BTD: variants seen among roughly 807,000 people sequenced by gnomAD.
BTD encodes the protein biocytinase.
Under a neutral mutation model 17.7 loss-of-function variants are expected in BTD, and 13 were observed. That is an observed-to-expected ratio of 0.74 (90% CI 0.48 to 1.17). BTD has a LOEUF of 1.17. BTD is among the 50% of genes most tolerant of loss of function. The pLI, the probability that BTD is intolerant of heterozygous loss-of-function variation, is 0.00. For missense variants in BTD, 674 were observed against 650.4 expected (o/e 1.04, Z -0.39); for synonymous variants, 240 against 245.2 (o/e 0.98, Z 0.20).
rs770633850 is a variant in BTD, at chr3:15,645,141, G to A, written c.1225G>A (p.Glu409Lys). ...SNGLCCYLLY[E>K]RPTLSKELYA... Reference sequence around the variant, plus strand: ...TGGCCTCTGCTGTTATTTACTTTACGAGAGGCCCACCTTATCCAAAGAGCT... The same window carrying A: ...TGGCCTCTGCTGTTATTTACTTTACAAGAGGCCCACCTTATCCAAAGAGCT... Residue 409 changes from glutamate (E) to lysine (K), a missense_variant, in exon 4 of 4, where the codon GAG becomes AAG. Transcript: ENST00000643237. The A allele has an allele frequency of 7.9e-5, 128 of 1,614,016 alleles. 1 individual carries two copies. The highest frequency in any genetic ancestry group is 4.0e-4 in the South Asian group (36 of 91,078).
At chr3:15,601,530 C>G (rs746041859), upstream of BTD, 3 of 1,608,212 alleles carry the variant, frequency 1.9e-6, no homozygotes, top group Non-Finnish European at 2.5e-6. Flanking sequence ...GCAAGGCAAA[C>G]GCGAAATCGG....
chr3:15,631,529 A>G (rs2065204698), intron 1 of BTD: 1 of 1,468,916 alleles, frequency 6.8e-7, no homozygotes, highest in African/African-American at 1.4e-5. Context: ...AAAAATATCT[A>G]GTGATTGACA....
chr3:15,626,780 CAAAA>C (rs374875165), intron 1 of BTD, among the ~76,000 whole-genome samples: 1 of 95,050 alleles, frequency 1.1e-5, no homozygotes. Context: ...GACCCTGTCT[CAAAA>C]AAAAAAAAAA....
chr3:15,606,029 CGAG>C (rs780316634), intron 1 of BTD, among the ~76,000 whole-genome samples: 34,714 of 124,772 alleles, frequency 0.28, 4,615 homozygotes, highest in Middle Eastern at 0.36. Context: ...GGTGACAGAG[CGAG>C]ACCCTGTCTC....
intron 3 of BTD, among the ~76,000 whole-genome samples, chr3:15,661,694 T>C (rs2065926932): frequency 1.3e-5 from 2 of 152,212 alleles, no homozygotes; most frequent in African/African-American, 4.8e-5. Context: ...CCTTTGGTGT[T>C]ATATCTAAAA....
At chr3:15,671,724 C>G (rs776203279) in intron 3 of BTD, among the ~76,000 whole-genome samples, 17 of 151,804 alleles carry the variant, frequency 1.1e-4, no homozygotes, top group Non-Finnish European at 2.2e-4. Flanking sequence ...GCTGGGATTA[C>G]ACGTGTGTGC....
rs570353481 is a variant in BTD at position 15,677,183 on chromosome 3, G to A, written c.400-32877G>A. 6 of 755,248 alleles carry A rather than the reference G, an allele frequency of 7.9e-6. No homozygotes were observed. The East Asian group carries it at 1.0e-4, about 13-fold the overall frequency. The allele number at this position is 755,248 out of a possible 1,614,324, so 46.8% of individuals were successfully genotyped here. On this transcript the variant is annotated intron_variant, in intron 3 of 3. Coordinates refer to the BTD transcript ENST00000672141. The stretch of plus-strand genomic sequence containing the variant: ...CATACATATACCATGAATTTTCCTG[G>A]CTAATATCTTAATATTTGCCCAAAC...
upstream of BTD, chr3:15,601,425 C>T (rs374520636): frequency 1.2e-4 from 198 of 1,613,838 alleles, no homozygotes; most frequent in Non-Finnish European, 1.7e-4. Context: ...CACCAGACAC[C>T]TGCTCCTCGC....
intron 3 of BTD, chr3:15,670,024 C>T: frequency 2.2e-6 from 1 of 450,998 alleles, no homozygotes; most frequent in Non-Finnish European, 4.0e-6. Context: ...CCAAATTAAA[C>T]AATTCCACAA....
intron 3 of BTD, chr3:15,697,507 T>A (rs1045877368): frequency 4.7e-4 from 71 of 152,000 alleles, no homozygotes; most frequent in African/African-American, 1.7e-3. Flanking sequence ...TAATCATGTG[T>A]TTGTTTTTTT....
At chr3:15,631,513 G>A in intron 1 of BTD, 1 of 1,519,834 alleles carries the variant, frequency 6.6e-7, no homozygotes, top group Non-Finnish European at 8.8e-7. Context: ...AAAATCCCTT[G>A]TGTGTAAAAA....
chr3:15,672,698 G>C (rs57405314), intron 3 of BTD, among the ~76,000 whole-genome samples: 13 of 152,332 alleles, frequency 8.5e-5, no homozygotes, highest in South Asian at 2.1e-4. Flanking sequence ...CCTTGGATGA[G>C]AGCGGGAGTG....
At chr3:15,656,265 C>G (rs2065870521), downstream of BTD, among the ~76,000 whole-genome samples, 1 of 152,188 alleles carries the variant, frequency 6.6e-6, no homozygotes. Flanking sequence ...CCCATCAGTT[C>G]TAATCAATAC....
rs543923733 is a variant in BTD at position 15,628,908 on chromosome 3, C to G, written c.-16-6516C>G. ...TCTAGTCTACCATATTGCCCCCCAC[C>G]TTTTTTTAAATCAGGAATTTTATTT... On this transcript the variant is annotated intron_variant, in intron 1 of 3. Coordinates refer to ENST00000643237, the MANE Select transcript of BTD (RefSeq NM_001370658.1). Among the ~76,000 whole-genome samples the G allele has an allele frequency of 5.3e-5, 8 of 152,172 alleles. No individual in the cohort carries two copies. The East Asian group carries it at 5.8e-4, about 11-fold the overall frequency.
intron 2 of BTD, among the ~76,000 whole-genome samples, chr3:15,638,435 C>A (rs934072820): frequency 6.6e-6 from 1 of 152,190 alleles, no homozygotes; most frequent in Non-Finnish European, 1.5e-5. Context: ...ACTCACCAAG[C>A]CACAGACTTG....
intron 3 of BTD, among the ~76,000 whole-genome samples, chr3:15,708,646 TTAGCTATAAAAA>T (rs1316812364): frequency 3.9e-5 from 6 of 152,120 alleles, no homozygotes; most frequent in Non-Finnish European, 8.8e-5. Context: ...TAAAAGCAAA[TTAGCTATAAAAA>T]TATTGCATTC....
At chr3:15,676,894 G>T in intron 3 of BTD, 1 of 1,184,282 alleles carries the variant, frequency 8.4e-7, no homozygotes, top group Non-Finnish European at 1.2e-6. Flanking sequence ...TATTCCAATA[G>T]TCACATGTTT....
At position 15,648,418 on chromosome 3, in the gene BTD, G is replaced by C. The variant is rs74969344; in HGVS notation, c.*2930G>C. On this transcript the variant is annotated 3_prime_UTR_variant, in exon 4 of 4. Coordinates refer to ENST00000643237, the MANE Select transcript of BTD (RefSeq NM_001370658.1). ...GAAAGGTCCTGGTCTCCTGGCTTCA[G>C]TCTTTCATTCCCTAACCTCCCTTTG... is the stretch of plus-strand genomic sequence containing the variant. Among the ~76,000 whole-genome samples the C allele has an allele frequency of 6.6e-6, 1 of 152,226 alleles. No homozygotes were observed. Among genetic ancestry groups the C allele is most frequent in the Non-Finnish European group, 1.5e-5 (1 of 68,040 alleles).
chr3:15,651,177 G>A lies in BTD; in HGVS notation c.*5689G>A, dbSNP rs905489156. Among the ~76,000 whole-genome samples the A allele has an allele frequency of 1.3e-5, 2 of 152,226 alleles. No homozygotes were observed. Among genetic ancestry groups the A allele is most frequent in the African/African-American group, 4.8e-5 (2 of 41,452 alleles). ...ATTCATGGATTGAGGGGTGGGGACTGTTTCCCAGGGGAACACTGGGACAGC... is the reference window on the plus strand; with the variant it reads ...ATTCATGGATTGAGGGGTGGGGACTATTTCCCAGGGGAACACTGGGACAGC... On this transcript the variant is annotated 3_prime_UTR_variant, in exon 4 of 4. Coordinates refer to ENST00000643237, the MANE Select transcript of BTD (RefSeq NM_001370658.1).
Sources: gnomAD v4.1 joint callset for allele counts (sites outside exome capture counted in the v4.1 genomes callset) on GRCh38, gnomAD v4.1.1 for gene constraint, MANE v1.5 for transcripts, NCBI Gene and HGNC (gene_info 2026-07-23, HGNC 2026-07-21) for gene names.